Variants in NLGN4X observed in about 807,000 individuals in gnomAD.
NLGN4X encodes the protein neuroligin 4 X-linked, also known as neuroligin-4, X-linked.
In NLGN4X, 3 loss-of-function variants were observed where a neutral mutation model predicts 40.3. The observed-to-expected ratio is 0.07, with a 90% CI of 0.03 to 0.19. The LOEUF is 0.19. NLGN4X is among the 10% of genes least tolerant of loss of function. The pLI, the probability that NLGN4X is intolerant of heterozygous loss-of-function variation, is 1.00. For missense variants in NLGN4X, 382 were observed against 708.3 expected, an observed-to-expected ratio of 0.54 and a Z score of 5.23; for synonymous variants, 270 against 306.8, an observed-to-expected ratio of 0.88 and a Z score of 1.25.
chrX:6,198,401 T>C (rs184626556), intron 1 of NLGN4X, among the ~76,000 whole-genome samples: 163 of 111,981 alleles, frequency 1.5e-3, no homozygotes, highest in African/African-American at 4.8e-3. Context: ...CATATGATGC[T>C]AATGTTATCC....
At chrX:6,120,574 G>C (rs1490087963) in intron 2 of NLGN4X, among the ~76,000 whole-genome samples, 1 of 111,889 alleles carries the variant, frequency 8.9e-6, no homozygotes, top group Non-Finnish European at 1.9e-5. Flanking sequence ...GTCCCTGTCT[G>C]CCCATCATAT....
intron 3 of NLGN4X, among the ~76,000 whole-genome samples, chrX:5,931,643 A>C (rs1168706821): frequency 8.9e-6 from 1 of 111,787 alleles, no homozygotes; most frequent in East Asian, 2.8e-4. Context: ...AAATAGTAAT[A>C]TATCCAAGAA....
chrX:6,161,859 GATACA>G (rs990172899), intron 1 of NLGN4X, among the ~76,000 whole-genome samples: 9 of 111,031 alleles, frequency 8.1e-5, no homozygotes, highest in Admixed American at 1.9e-4. Context: ...GATTTATATA[GATACA>G]ATACATTAAA....
At chrX:6,172,342 A>G (rs1427991714) in intron 1 of NLGN4X, among the ~76,000 whole-genome samples, 3 of 111,612 alleles carry the variant, frequency 2.7e-5, no homozygotes, top group Non-Finnish European at 5.6e-5. Context: ...AAAATTATTC[A>G]TAAGTCACTT....
Position 6,046,483 on chromosome X carries a change from G to A in NLGN4X, c.473-17051C>T, listed in dbSNP as rs376950956. Among the ~76,000 whole-genome samples, 4 of 111,214 alleles carry A rather than the reference G, an allele frequency of 3.6e-5. No individual in the cohort carries two copies. The East Asian group carries it at 1.1e-3, about 31-fold the overall frequency. On this transcript the variant is annotated intron_variant, in intron 2 of 5. Coordinates refer to ENST00000381095, the MANE Select transcript of NLGN4X (RefSeq NM_181332.3). Reference sequence around the variant, plus strand: ...AGCTAAAAATTTGAAAAAAGAGGGAGTTATAACAATCTCAACTTAAAACAA... The same window carrying A: ...AGCTAAAAATTTGAAAAAAGAGGGAATTATAACAATCTCAACTTAAAACAA...
intron 2 of NLGN4X, among the ~76,000 whole-genome samples, chrX:6,036,946 T>C (rs2037028779): frequency 8.9e-6 from 1 of 111,886 alleles, no homozygotes; most frequent in African/African-American, 3.2e-5. Flanking sequence ...GCTTTATCTA[T>C]GTTATTTTCA....
intron 3 of NLGN4X, among the ~76,000 whole-genome samples, chrX:5,942,010 C>A (rs1265176232): frequency 9.0e-6 from 1 of 111,450 alleles, no homozygotes; most frequent in East Asian, 2.8e-4. Context: ...AATTTCAGCA[C>A]TTTGGGAGGC....
Position 6,029,393 on chromosome X carries a change from T to A in NLGN4X, c.512A>T (p.Tyr171Phe). The change falls in exon 3 of 6, where the codon TAT (tyrosine) becomes TTT (phenylalanine). Residue 171 changes from tyrosine (Y) to phenylalanine (F), a missense_variant. Coordinates refer to ENST00000381095, the MANE Select transcript of NLGN4X (RefSeq NM_181332.3). The stretch of plus-strand genomic sequence containing the variant: ...CTCCATGTAAGATCCCCCATGGATA[T>A]AGACCATGACGGGCTTCTTACTGTT... ...DQNSKKPVMV[Y>F]IHGGSYMEGT... 1 of 1,210,839 alleles carries A rather than the reference T, an allele frequency of 8.3e-7. No homozygotes were observed. The highest frequency in any genetic ancestry group is 3.0e-5 in the East Asian group (1 of 33,821).
chrX:6,044,225 G>C (rs2037254476), intron 2 of NLGN4X, among the ~76,000 whole-genome samples: 1 of 111,971 alleles, frequency 8.9e-6, no homozygotes, highest in African/African-American at 3.2e-5. Flanking sequence ...GCAGGCTGCA[G>C]TGAGCTATAA....
chrX:6,151,755 G>T lies in NLGN4X; in HGVS notation c.-289C>A. On this transcript the variant is annotated 5_prime_UTR_variant, in exon 2 of 6. Transcript: ENST00000381095. Reference sequence around the variant, plus strand: ...AACACCTCCAGGGACAATTTCTTATGAAAACTCCAAGGCAGCCTAAAAGAG... The same window carrying T: ...AACACCTCCAGGGACAATTTCTTATTAAAACTCCAAGGCAGCCTAAAAGAG... 1 of 372,896 alleles carries T rather than the reference G, an allele frequency of 2.7e-6. No homozygotes were observed. The highest frequency in any genetic ancestry group is 4.7e-6 in the Non-Finnish European group (1 of 212,068). 30.7% of individuals were successfully genotyped at this position (372,896 alleles called of 1,213,427 possible). A position where few individuals can be genotyped will look rare whatever the true frequency, so the allele number is the denominator to read the frequency against.
intron 2 of NLGN4X, among the ~76,000 whole-genome samples, chrX:6,051,248 C>T (rs886927830): frequency 8.9e-6 from 1 of 111,921 alleles, no homozygotes; most frequent in Non-Finnish European, 1.9e-5. Context: ...ATAAATTATA[C>T]ACAGCAAGAG....
chrX:6,163,543 C>T (rs1422639829), intron 1 of NLGN4X, among the ~76,000 whole-genome samples: 1 of 112,004 alleles, frequency 8.9e-6, no homozygotes, highest in Non-Finnish European at 1.9e-5. Flanking sequence ...ATGCAGCCAG[C>T]CTGTGGTCCA....
intron 5 of NLGN4X, among the ~76,000 whole-genome samples, chrX:5,895,682 C>T (rs2031449974): frequency 9.0e-6 from 1 of 111,125 alleles, no homozygotes; most frequent in Non-Finnish European, 1.9e-5. Flanking sequence ...GAAAGTTGAC[C>T]TCTACCCTTT....
chrX:6,121,153 C>T (rs935431049), intron 2 of NLGN4X, among the ~76,000 whole-genome samples: 2 of 25,167 alleles, frequency 7.9e-5, no homozygotes, highest in Non-Finnish European at 2.2e-4. Flanking sequence ...TATACATACA[C>T]ACACACACAC....
intron 1 of NLGN4X, chrX:6,227,186 C>G (rs780190661): frequency 4.5e-5 from 5 of 111,107 alleles, no homozygotes; most frequent in African/African-American, 1.3e-4. Context: ...AGCAGAGAGG[C>G]TTGGGATGGG....
chrX:5,954,160 C>A (rs1470698622), intron 3 of NLGN4X, among the ~76,000 whole-genome samples: 2 of 111,000 alleles, frequency 1.8e-5, no homozygotes, highest in Non-Finnish European at 1.9e-5. Flanking sequence ...GAAAAACAAT[C>A]AAGTTTTGGA....
At chrX:6,081,246 C>A (rs2038340910) in intron 2 of NLGN4X, among the ~76,000 whole-genome samples, 1 of 111,611 alleles carries the variant, frequency 9.0e-6, no homozygotes, top group Non-Finnish European at 1.9e-5. Context: ...TGTGGACATG[C>A]CACTGCAATC....
intron 1 of NLGN4X, among the ~76,000 whole-genome samples, chrX:6,183,424 G>A (rs750398503): frequency 1.4e-4 from 15 of 110,812 alleles, no homozygotes; most frequent in Non-Finnish European, 2.6e-4. Context: ...GTGGGCGCCT[G>A]TAGTCCCAGC....
At chrX:6,081,463 T>C (rs5916291) in intron 2 of NLGN4X, among the ~76,000 whole-genome samples, 21,856 of 111,582 alleles carry the variant, frequency 0.2, 1,833 homozygotes, top group South Asian at 0.27. Flanking sequence ...TTTTTTGATA[T>C]AAATGCATGC....
Sources: allele counts gnomAD v4.1 joint callset (sites outside exome capture counted in the v4.1 genomes callset), GRCh38; gene constraint gnomAD v4.1.1; transcripts MANE v1.5; gene names NCBI Gene and HGNC (gene_info 2026-07-23, HGNC 2026-07-21).